The following RNF114 variants were observed in gnomAD, a reference collection of about 807,000 sequenced individuals.
RNF114 encodes the protein E3 ubiquitin-protein ligase RNF114.
A neutral mutation model predicts 28.4 loss-of-function variants in RNF114; 6 were observed. The ratio of observed to expected loss-of-function variants is 0.21; its 90% CI spans 0.12 to 0.42. The LOEUF (loss-of-function observed/expected upper bound fraction) is 0.42, where lower values mean the gene tolerates loss of function less well. Ranked by LOEUF, RNF114 falls within the 10% of genes least tolerant of loss-of-function variation. The pLI, the probability that RNF114 is intolerant of heterozygous loss-of-function variation, is 1.00. For missense variants in RNF114, 249 were observed against 311.7 expected (o/e 0.80, Z 1.51); for synonymous variants, 115 against 116.7 (o/e 0.99, Z 0.09).
intron 1 of RNF114, among the ~76,000 whole-genome samples, chr20:49,940,012 C>G (rs1468225922): frequency 7.1e-6 from 1 of 140,308 alleles, no homozygotes; most frequent in Non-Finnish European, 1.5e-5. Context: ...CGAGATTGCA[C>G]CATTGCACTT....
At chr20:49,943,834 A>ATATATG (rs58488086) in intron 2 of RNF114, 1 of 103,292 alleles carries the variant, frequency 9.7e-6, no homozygotes, top group South Asian at 2.6e-4. Flanking sequence ...ATATATATAT[A>ATATATG]CACACACACA....
chr20:49,942,531 T>C (rs1432264110), intron 2 of RNF114, among the ~76,000 whole-genome samples: 2 of 152,154 alleles, frequency 1.3e-5, no homozygotes, highest in Non-Finnish European at 2.9e-5. Context: ...TCAAAATTCG[T>C]TCAACTTAAG....
chr20:49,942,214 A>G (rs968108772), intron 2 of RNF114, among the ~76,000 whole-genome samples: 4 of 152,096 alleles, frequency 2.6e-5, no homozygotes, highest in African/African-American at 9.7e-5. Flanking sequence ...ATCTATGATC[A>G]TGCCACTGCA....
rs2090298507 is a variant in RNF114 at position 49,939,304 on chromosome 20, A to ACTC, written c.141-2255_141-2253dup. Among the ~76,000 whole-genome samples the ACTC allele has an allele frequency of 2.6e-5, 4 of 152,016 alleles. 1 individual carries two copies. The South Asian group carries it at 8.3e-4, about 32-fold the overall frequency. On this transcript the variant is annotated intron_variant, in intron 1 of 5. Coordinates refer to ENST00000244061, the MANE Select transcript of RNF114 (RefSeq NM_018683.4). ...ATTGCCCTCAGTGGTGAATGAATAGACTCCCTCACCTTCTCTGTACCTGGT... is the reference window on the plus strand; with the variant it reads ...ATTGCCCTCAGTGGTGAATGAATAGACTCCTCCCTCACCTTCTCTGTACCTGGT...
intron 5 of RNF114, among the ~76,000 whole-genome samples, chr20:49,950,971 T>A (rs1013396154): frequency 1.3e-5 from 2 of 152,206 alleles, no homozygotes; most frequent in African/African-American, 4.8e-5. Context: ...ATAGCATATA[T>A]CCACTAGCCA....
chr20:49,947,230 C>T (rs199800560), intron 4 of RNF114, among the ~76,000 whole-genome samples: 1 of 20,938 alleles, frequency 4.8e-5, no homozygotes, highest in Non-Finnish European at 9.9e-5. Context: ...CCCCCCCCCC[C>T]CCCCCCAAAA....
chr20:49,945,527 T>C (rs780311292), intron 3 of RNF114, 39 bp downstream of exon 3: 3 of 1,204,936 alleles, frequency 2.5e-6, no homozygotes, highest in Middle Eastern at 3.8e-4. Flanking sequence ...AGGTCATCTC[T>C]TGCTATTAAT....
rs60425763 is a variant in RNF114 at position 49,943,651 on chromosome 20, C to CTTTTTTTT, written c.292-1713_292-1706dup. Reference sequence around the variant, plus strand: ...TTGAAATACAATTCCCTACTGTCTTCTTTTTTTTTTTTTTTTTTTTTTTTT... The same window carrying CTTTTTTTT: ...TTGAAATACAATTCCCTACTGTCTTCTTTTTTTTTTTTTTTTTTTTTTTTTTTTTTTTT... On this transcript the variant is annotated intron_variant, in intron 2 of 5. Transcript: ENST00000244061. 3.0e-3 allele frequency among the ~76,000 whole-genome samples: 215 copies of CTTTTTTTT among 72,140 alleles called. 15 individuals are homozygous for CTTTTTTTT. Among genetic ancestry groups the CTTTTTTTT allele is most frequent in the African/African-American group, 0.011 (187 of 16,854 alleles). 47.3% of individuals were successfully genotyped at this position (72,140 alleles called of 152,430 possible).
At chr20:49,945,265 T>C in intron 2 of RNF114, 117 bp from the exon 3 acceptor site, 2 of 612,054 alleles carry the variant, frequency 3.3e-6, no homozygotes, top group Admixed American at 5.3e-5. Flanking sequence ...AGGAGTTTGG[T>C]GAGATTATTT....
In RNF114 at chr20:49,946,219, A is replaced by T; in HGVS notation, c.482A>T (p.Lys161Ile). The T allele has an allele frequency of 2.5e-6, 4 of 1,606,480 alleles. No individual in the cohort carries two copies. The highest frequency in any genetic ancestry group is 2.2e-5 in the East Asian group (1 of 44,762). The stretch of plus-strand genomic sequence containing the variant: ...CAGGAAGGACTTGTGGAACACTGCA[A>T]ATTATTCCATAGCACGGATACCAAA... The part of the protein sequence containing the change: ...FDQEGLVEHC[K>I]LFHSTDTKSV... The change falls in exon 4 of 6, where the codon AAA becomes ATA. Residue 161 changes from lysine (K) to isoleucine (I), a missense_variant. Lys to Ile is a moderately radical substitution (Grantham distance 102). Around this residue, in one of 2 missense-constraint regions of RNF114, gnomAD observed 126 missense variants for 205.3 expected, o/e 0.61. Coordinates refer to ENST00000244061, the MANE Select transcript of RNF114 (RefSeq NM_018683.4).
intron 4 of RNF114, among the ~76,000 whole-genome samples, chr20:49,947,254 A>G (rs1306971163): frequency 1.5e-5 from 2 of 131,438 alleles, no homozygotes; most frequent in African/African-American, 3.0e-5. Context: ...TATTTGTTCC[A>G]TCTTAGCAAT....
intron 1 of RNF114, among the ~76,000 whole-genome samples, chr20:49,937,346 C>T (rs2090291337): frequency 6.6e-6 from 1 of 152,234 alleles, no homozygotes; most frequent in Non-Finnish European, 1.5e-5. Context: ...TGGCCACCTG[C>T]TTCTTGCCTC....
Position 49,936,433 on chromosome 20 carries a change from C to T in RNF114, c.21C>T (p.Asp7=), listed in dbSNP as rs940419244. 3.3e-6 allele frequency: 5 copies of T among 1,535,328 alleles called. No homozygotes were observed. The highest frequency in any genetic ancestry group is 3.5e-6 in the Non-Finnish European group (4 of 1,141,930). The change falls in exon 1 of 6, where the codon GAC becomes GAT. Residue 7 remains aspartate, a synonymous_variant. Transcript: ENST00000244061. Reference sequence around the variant, plus strand: ...GCAAGATGGCGGCGCAACAGCGGGACTGCGGGGGTGCTGCGCAGCTGGCGG... The same window carrying T: ...GCAAGATGGCGGCGCAACAGCGGGATTGCGGGGGTGCTGCGCAGCTGGCGG... MAAQQR[D]CGGAAQLAGP...
chr20:49,936,428 C>G lies in RNF114; in HGVS notation c.16C>G (p.Arg6Gly), dbSNP rs759498741. 423 of 1,522,116 alleles carry G rather than the reference C, an allele frequency of 2.8e-4. 2 individuals carry two copies. Among genetic ancestry groups the G allele is most frequent in the Admixed American group, 8.5e-5 (4 of 46,826 alleles). The allele number at this position is 1,522,116 out of a possible 1,614,324, so 94.3% of individuals were successfully genotyped here. Residue 6 changes from arginine (R) to glycine (G), a missense_variant, in exon 1 of 6, where the codon CGG becomes GGG. Physicochemically the swap from Arg to Gly is moderately radical, Grantham distance 125. This residue lies in a region of RNF114 where 123 missense variants were observed against 106.4 expected (regional missense o/e 1.16). Transcript: ENST00000244061. ...CGGCAGCAAGATGGCGGCGCAACAG[C>G]GGGACTGCGGGGGTGCTGCGCAGCT... MAAQQRDCGGAAQLAG... is the reference protein window; with the variant it reads MAAQQGDCGGAAQLAG...
chr20:49,937,719 C>G (rs909160881), intron 1 of RNF114, among the ~76,000 whole-genome samples: 1 of 151,972 alleles, frequency 6.6e-6, no homozygotes, highest in Non-Finnish European at 1.5e-5. Flanking sequence ...TTTCAGGCTT[C>G]AAGTCCCAGG....
chr20:49,951,855 G>A (rs992750911), intron 5 of RNF114, among the ~76,000 whole-genome samples: 1 of 152,170 alleles, frequency 6.6e-6, no homozygotes, highest in African/African-American at 2.4e-5. Context: ...CTCCAGCCTG[G>A]CAACAGAGCG....
intron 2 of RNF114, among the ~76,000 whole-genome samples, chr20:49,943,444 C>T (rs528535591): frequency 1.3e-5 from 2 of 151,940 alleles, no homozygotes; most frequent in Non-Finnish European, 2.9e-5. Context: ...TTGAGAGCAG[C>T]CTGGGGAATA....
chr20:49,937,880 A>G (rs1173702039), intron 1 of RNF114, among the ~76,000 whole-genome samples: 1 of 152,188 alleles, frequency 6.6e-6, no homozygotes, highest in Non-Finnish European at 1.5e-5. Context: ...ACTGACTGGA[A>G]TGGCCTCTGT....
At chr20:49,940,270 C>T (rs2090302494) in intron 1 of RNF114, among the ~76,000 whole-genome samples, 1 of 152,090 alleles carries the variant, frequency 6.6e-6, no homozygotes, top group Admixed American at 6.6e-5. Flanking sequence ...TTCCCTTCCT[C>T]TGCTAGCTGA....
Sources: gnomAD v4.1 joint callset for allele counts (sites outside exome capture counted in the v4.1 genomes callset) on GRCh38, gnomAD v4.1.1 for gene constraint, gnomAD v4.1.1 regional missense constraint, MANE v1.5 for transcripts, NCBI Gene and HGNC (gene_info 2026-07-23, HGNC 2026-07-21) for gene names.